Variants in ITSN1 observed in about 807,000 individuals in gnomAD.
ITSN1 encodes the protein intersectin-1.
In ITSN1, 58 loss-of-function variants were observed where a neutral mutation model predicts 239.8. That is an observed-to-expected ratio of 0.24 (90% CI 0.20 to 0.30). ITSN1 has a LOEUF of 0.30. Ranked by LOEUF, ITSN1 falls within the 10% of genes least tolerant of loss-of-function variation. The pLI, the probability that ITSN1 is intolerant of heterozygous loss-of-function variation, is 1.00. For missense variants in ITSN1, 1,558 were observed against 2,103.3 expected, an observed-to-expected ratio of 0.74 and a Z score of 5.07; for synonymous variants, 780 against 770.8, an observed-to-expected ratio of 1.01 and a Z score of -0.20.
chr21:33,799,173 T>A (rs955459041), intron 18 of ITSN1, among the ~76,000 whole-genome samples: 1 of 152,250 alleles, frequency 6.6e-6, no homozygotes, highest in Non-Finnish European at 1.5e-5. Context: ...TGTGCATTTT[T>A]AAACATTTTA....
rs892816433 is a variant in ITSN1 at position 33,824,774 on chromosome 21, G to A, written c.3183+1121G>A. On this transcript the variant is annotated intron_variant, in intron 25 of 39. Transcript: ENST00000381318. ...TTGGGTTTTGTTTTTTTAAGGGGTGGCATTGTTTTGCTTTTTGGTTTTTCT... is the reference window on the plus strand; with the variant it reads ...TTGGGTTTTGTTTTTTTAAGGGGTGACATTGTTTTGCTTTTTGGTTTTTCT... Among the ~76,000 whole-genome samples, 11 of 152,182 alleles carry A rather than the reference G, an allele frequency of 7.2e-5. 1 individual carries two copies. The highest frequency in any genetic ancestry group is 2.4e-4 in the African/African-American group (10 of 41,432).
intron 34 of ITSN1, among the ~76,000 whole-genome samples, chr21:33,875,924 C>T (rs543031714): frequency 6.6e-6 from 1 of 152,344 alleles, no homozygotes; most frequent in African/African-American, 2.4e-5. Context: ...AGGTGATCTG[C>T]CCACCTCGGC....
intron 1 of ITSN1, among the ~76,000 whole-genome samples, chr21:33,693,360 T>C (rs1231048941): frequency 6.6e-6 from 1 of 150,860 alleles, no homozygotes; most frequent in East Asian, 1.9e-4. Flanking sequence ...TTGTTTTTTT[T>C]GGTGGGGGGG....
At chr21:33,838,721 T>C (rs2074720118) in intron 29 of ITSN1, among the ~76,000 whole-genome samples, 1 of 151,566 alleles carries the variant, frequency 6.6e-6, no homozygotes, top group African/African-American at 2.4e-5. Flanking sequence ...TCATTCCTTA[T>C]AATACCAGTT....
At chr21:33,715,661 G>A (rs181308377) in intron 1 of ITSN1, among the ~76,000 whole-genome samples, 7 of 152,350 alleles carry the variant, frequency 4.6e-5, no homozygotes, top group Non-Finnish European at 1.0e-4. Context: ...GTGAGAAGTA[G>A]TCTGATTCAC....
chr21:33,867,110 C>A, intron 32 of ITSN1, 123 bp from the exon 33 acceptor site: 1 of 645,830 alleles, frequency 1.5e-6, no homozygotes, highest in South Asian at 1.8e-5. Flanking sequence ...AACCCCAGGT[C>A]TCTCAGTTGT....
intron 33 of ITSN1, 88 bp downstream of exon 33, chr21:33,867,419 A>AT: frequency 1.3e-6 from 1 of 780,270 alleles, no homozygotes; most frequent in East Asian, 2.4e-5. Flanking sequence ...CCCAGTGAAC[A>AT]TATCTGGTAA....
At chr21:33,826,971 C>T in intron 26 of ITSN1, 108 bp downstream of exon 26, 2 of 903,726 alleles carry the variant, frequency 2.2e-6, no homozygotes, top group Non-Finnish European at 3.6e-6. Flanking sequence ...AAGAATCTTT[C>T]CTAAGAGTGG....
chr21:33,795,514 G>A (rs1408688294), intron 17 of ITSN1, among the ~76,000 whole-genome samples: 3 of 152,162 alleles, frequency 2.0e-5, no homozygotes, highest in Non-Finnish European at 4.4e-5. Flanking sequence ...AGTGGGCTGA[G>A]TTCAGTTAAC....
chr21:33,691,073 C>T (rs2091525525), intron 1 of ITSN1, among the ~76,000 whole-genome samples: 2 of 151,698 alleles, frequency 1.3e-5, no homozygotes, highest in Admixed American at 6.6e-5. Context: ...AGTTTCTCTT[C>T]TCTGCTTCCT....
chr21:33,685,898 T>A (rs1319249177), intron 1 of ITSN1, among the ~76,000 whole-genome samples: 1 of 152,242 alleles, frequency 6.6e-6, no homozygotes, highest in Non-Finnish European at 1.5e-5. Flanking sequence ...TCAATTTTAC[T>A]TCTTAAAAAA....
chr21:33,862,347 A>G (rs1980776063), intron 31 of ITSN1, among the ~76,000 whole-genome samples: 1 of 152,178 alleles, frequency 6.6e-6, no homozygotes, highest in South Asian at 2.1e-4. Context: ...TATCTGACTC[A>G]TCTTCTTTTT....
At chr21:33,877,825 T>TGTG (rs1984197593) in intron 34 of ITSN1, among the ~76,000 whole-genome samples, 7 of 147,206 alleles carry the variant, frequency 4.8e-5, no homozygotes, top group Admixed American at 2.1e-4. Flanking sequence ...TGTTTCTATT[T>TGTG]TGTGTGTGTG....
At chr21:33,833,097 C>T (rs1030435672) in intron 27 of ITSN1, among the ~76,000 whole-genome samples, 2 of 151,680 alleles carry the variant, frequency 1.3e-5, no homozygotes, top group East Asian at 1.9e-4. Context: ...AGTCAAAGCC[C>T]GACTCATGAT....
chr21:33,828,765 G>C (rs1156370787), intron 26 of ITSN1, among the ~76,000 whole-genome samples: 1 of 152,142 alleles, frequency 6.6e-6, no homozygotes, highest in Admixed American at 6.6e-5. Context: ...TTGCAGATGA[G>C]CCAGAACTCA....
intron 29 of ITSN1, 31 bp downstream of exon 29, chr21:33,836,663 C>A: frequency 2.6e-6 from 4 of 1,551,578 alleles, no homozygotes; most frequent in Middle Eastern, 3.4e-4. Flanking sequence ...GTCGCCTCGC[C>A]TCTCTGGTAT....
chr21:33,867,150 A>T, intron 32 of ITSN1, 83 bp from the exon 33 acceptor site: 2 of 788,266 alleles, frequency 2.5e-6, no homozygotes, highest in South Asian at 2.9e-5. Context: ...ATGGGTGGAG[A>T]GTCCTCACTG....
At chr21:33,655,846 A>G (rs2089020531) in intron 1 of ITSN1, among the ~76,000 whole-genome samples, 1 of 152,030 alleles carries the variant, frequency 6.6e-6, no homozygotes, top group Non-Finnish European at 1.5e-5. Context: ...TGGTGATGTC[A>G]TGTATCAGGA....
At chr21:33,886,794 G>A (rs1375002085) in intron 39 of ITSN1, among the ~76,000 whole-genome samples, 1 of 152,220 alleles carries the variant, frequency 6.6e-6, no homozygotes, top group Admixed American at 6.5e-5. Flanking sequence ...AGCTGTGCTG[G>A]CAATGGATGA....
Sources: allele counts gnomAD v4.1 joint callset (sites outside exome capture counted in the v4.1 genomes callset), GRCh38; gene constraint gnomAD v4.1.1; transcripts MANE v1.5; gene names NCBI Gene and HGNC (gene_info 2026-07-23, HGNC 2026-07-21).